DNM3: variants seen among roughly 807,000 people sequenced by gnomAD.
DNM3 encodes the protein dynamin-3.
A neutral mutation model predicts 101.6 loss-of-function variants in DNM3; 47 were observed. That is an observed-to-expected ratio of 0.46 (90% CI 0.37 to 0.59). DNM3 has a LOEUF of 0.59. Among genes scored for constraint, DNM3 ranks in the 20% least tolerant of loss-of-function variants. DNM3 has a pLI of 0.00. For synonymous variants in DNM3, 385 were observed against 387.9 expected (o/e 0.99, Z 0.09); for missense variants, 849 against 1,085.7 (o/e 0.78, Z 3.06).
intron 15 of DNM3, among the ~76,000 whole-genome samples, chr1:172,299,397 A>T (rs1471380784): frequency 6.6e-6 from 1 of 152,214 alleles, no homozygotes; most frequent in African/African-American, 2.4e-5. Flanking sequence ...TTTATTTAAT[A>T]TCAACTTACT....
intron 15 of DNM3, among the ~76,000 whole-genome samples, chr1:172,259,530 A>C (rs2062557330): frequency 6.6e-6 from 1 of 152,078 alleles, no homozygotes. Flanking sequence ...TTTATTACTT[A>C]AAGTCTGTTT....
At chr1:171,863,351 G>C (rs77565020) in intron 1 of DNM3, among the ~76,000 whole-genome samples, 1,521 of 152,078 alleles carry the variant, frequency 0.01, 28 homozygotes, top group African/African-American at 0.035. Flanking sequence ...GGGGAATGTA[G>C]GGAAGCTCCA....
At chr1:172,145,450 G>C (rs2057840657) in intron 14 of DNM3, among the ~76,000 whole-genome samples, 1 of 144,906 alleles carries the variant, frequency 6.9e-6, no homozygotes, top group Admixed American at 7.1e-5. Context: ...CCTGTCTGTT[G>C]AATCTGTCAG....
At chr1:171,926,472 A>G (rs1470061650) in intron 2 of DNM3, among the ~76,000 whole-genome samples, 4 of 152,224 alleles carry the variant, frequency 2.6e-5, no homozygotes, top group African/African-American at 9.6e-5. Flanking sequence ...TGTTGAAAAG[A>G]CTATTCTTTC....
intron 15 of DNM3, among the ~76,000 whole-genome samples, chr1:172,298,802 T>A (rs2064287198): frequency 8.5e-6 from 1 of 117,282 alleles, no homozygotes; most frequent in African/African-American, 3.2e-5. Context: ...AATACATAAC[T>A]AAATATAAAA....
Position 172,031,456 on chromosome 1 carries a change from G to A in DNM3, c.590-946G>A, listed in dbSNP as rs1440515613. On this transcript the variant is annotated intron_variant, in intron 4 of 20. Transcript: ENST00000627582. The stretch of plus-strand genomic sequence containing the variant: ...AGGACAAATAGCTAATGCATTGGGA[G>A]GCTTAAAACCTAGATGATGGGTTGA... 1.2e-4 allele frequency among the ~76,000 whole-genome samples: 18 copies of A among 152,116 alleles called. No individual in the cohort carries two copies. In the East Asian group the frequency reaches 2.5e-3, roughly 21 times the overall value.
At chr1:171,998,373 GCTT>G (rs2046143505) in intron 4 of DNM3, among the ~76,000 whole-genome samples, 1 of 152,058 alleles carries the variant, frequency 6.6e-6, no homozygotes, top group Non-Finnish European at 1.5e-5. Context: ...CTAAATGAAT[GCTT>G]CTTGATTACA....
intron 9 of DNM3, among the ~76,000 whole-genome samples, chr1:172,047,108 T>G (rs562129192): frequency 6.6e-6 from 1 of 152,272 alleles, no homozygotes; most frequent in East Asian, 1.9e-4. Flanking sequence ...TATATTTGGT[T>G]TGACAATTTT....
intron 20 of DNM3, among the ~76,000 whole-genome samples, chr1:172,390,991 A>G (rs2069492888): frequency 6.6e-6 from 1 of 152,292 alleles, no homozygotes; most frequent in Admixed American, 6.5e-5. Flanking sequence ...TTGAATGCTA[A>G]GCTGACTTGT....
intron 1 of DNM3, among the ~76,000 whole-genome samples, chr1:171,880,836 A>G (rs550882342): frequency 3.7e-4 from 56 of 152,282 alleles, no homozygotes; most frequent in African/African-American, 1.3e-3. Flanking sequence ...ATGATTCCAA[A>G]AAGTTCTTCT....
intron 10 of DNM3, among the ~76,000 whole-genome samples, chr1:172,056,761 C>T (rs1482732735): frequency 2.0e-5 from 3 of 152,118 alleles, no homozygotes; most frequent in Non-Finnish European, 2.9e-5. Context: ...AACAGAAAAA[C>T]TGGAAACTCT....
chr1:171,926,001 G>A (rs1410306407), intron 2 of DNM3, among the ~76,000 whole-genome samples: 5 of 152,098 alleles, frequency 3.3e-5, no homozygotes, highest in Admixed American at 6.6e-5. Context: ...TGTGGAAGAC[G>A]TGTTGGTTGA....
intron 14 of DNM3, among the ~76,000 whole-genome samples, chr1:172,237,917 C>T (rs1159846992): frequency 6.6e-6 from 1 of 152,086 alleles, no homozygotes; most frequent in East Asian, 1.9e-4. Flanking sequence ...CTCAGGCTCC[C>T]CTGTACTGGG....
At chr1:171,932,737 C>T (rs1177692601) in intron 2 of DNM3, among the ~76,000 whole-genome samples, 2 of 152,072 alleles carry the variant, frequency 1.3e-5, no homozygotes, top group Admixed American at 6.5e-5. Context: ...AATTTATTCT[C>T]TTGGGTATTT....
intron 4 of DNM3, among the ~76,000 whole-genome samples, chr1:172,031,924 A>AT (rs2048635066): frequency 6.6e-6 from 1 of 151,812 alleles, no homozygotes; most frequent in South Asian, 2.1e-4. Flanking sequence ...TCTTCTTTTA[A>AT]TTTTTTTGAC....
chr1:172,308,905 C>T (rs2064962145), intron 16 of DNM3, 66 bp downstream of exon 16: 4 of 921,636 alleles, frequency 4.3e-6, no homozygotes, highest in Admixed American at 2.5e-5. Flanking sequence ...ATTAATCCTA[C>T]ATACCATAAG....
intron 1 of DNM3, among the ~76,000 whole-genome samples, chr1:171,867,094 A>G (rs1449099621): frequency 6.6e-6 from 1 of 152,160 alleles, no homozygotes; most frequent in Non-Finnish European, 1.5e-5. Flanking sequence ...GTCAGCAGGA[A>G]CTCCACACAG....
At chr1:172,176,098 G>C (rs568846275) in intron 14 of DNM3, among the ~76,000 whole-genome samples, 1 of 151,830 alleles carries the variant, frequency 6.6e-6, no homozygotes, top group Non-Finnish European at 1.5e-5. Flanking sequence ...TTGTGAATAA[G>C]TTAAGGATTT....
At chr1:172,057,073 C>G (rs2050702601) in intron 10 of DNM3, among the ~76,000 whole-genome samples, 1 of 151,904 alleles carries the variant, frequency 6.6e-6, no homozygotes, top group African/African-American at 2.4e-5. Context: ...CCGATGTGAT[C>G]AACTGGAAGA....
Sources: gnomAD v4.1 joint callset for allele counts (sites outside exome capture counted in the v4.1 genomes callset) on GRCh38, gnomAD v4.1.1 for gene constraint, MANE v1.5 for transcripts, NCBI Gene and HGNC (gene_info 2026-07-23, HGNC 2026-07-21) for gene names.